DOCK4: variants seen among roughly 807,000 people sequenced by gnomAD.
DOCK4 encodes dedicator of cytokinesis 4, also known as dedicator of cytokinesis protein 4.
A neutral mutation model predicts 268.1 loss-of-function variants in DOCK4; 97 were observed. The observed-to-expected ratio is 0.36, with a 90% confidence interval of 0.31 to 0.43. The LOEUF is 0.43. DOCK4 is among the 20% of genes least tolerant of loss of function. DOCK4 has a pLI of 1.00. For synonymous variants in DOCK4, 954 were observed against 887.2 expected (o/e 1.08, Z -1.34); for missense variants, 2,145 against 2,455.7 (o/e 0.87, Z 2.67).
intron 5 of DOCK4, among the ~76,000 whole-genome samples, chr7:111,989,986 A>G (rs1799392740): frequency 2.0e-5 from 3 of 152,250 alleles, no homozygotes; most frequent in Non-Finnish European, 4.4e-5. Flanking sequence ...ATTTAGAGCC[A>G]AACAACTTCA....
intron 1 of DOCK4, among the ~76,000 whole-genome samples, chr7:112,014,039 C>G (rs1238957503): frequency 2.0e-5 from 3 of 152,200 alleles, no homozygotes; most frequent in African/African-American, 7.2e-5. Flanking sequence ...GTGCAGTTGA[C>G]TTATTTATTA....
intron 12 of DOCK4, 25 bp downstream of exon 12, chr7:111,935,515 A>G: frequency 6.2e-7 from 1 of 1,607,778 alleles, no homozygotes; most frequent in Non-Finnish European, 8.5e-7. Context: ...AAGTGTAGGG[A>G]AAGTCAGCCA....
At chr7:111,868,705 C>T (rs1214306001) in intron 21 of DOCK4, among the ~76,000 whole-genome samples, 8 of 138,370 alleles carry the variant, frequency 5.8e-5, no homozygotes, top group South Asian at 2.2e-4. Context: ...AGCAAAATTC[C>T]GTCTAAAAAA....
At chr7:112,142,698 C>T (rs1253095621) in intron 1 of DOCK4, among the ~76,000 whole-genome samples, 1 of 151,964 alleles carries the variant, frequency 6.6e-6, no homozygotes, top group African/African-American at 2.4e-5. Flanking sequence ...CACTACAGAA[C>T]TAAACAGGAT....
chr7:111,950,060 G>A (rs1169761979), intron 8 of DOCK4, among the ~76,000 whole-genome samples: 1 of 152,152 alleles, frequency 6.6e-6, no homozygotes, highest in Non-Finnish European at 1.5e-5. Flanking sequence ...CAGAGTAGCT[G>A]GGACTACAGA....
intron 26 of DOCK4, among the ~76,000 whole-genome samples, chr7:111,830,218 G>C (rs553598843): frequency 9.9e-5 from 15 of 152,218 alleles, no homozygotes; most frequent in Non-Finnish European, 2.1e-4. Flanking sequence ...ACAAGGTCAG[G>C]AGATCGAGAC....
intron 1 of DOCK4, among the ~76,000 whole-genome samples, chr7:112,015,745 A>T (rs77730559): frequency 0.024 from 3,677 of 152,336 alleles, 158 homozygotes; most frequent in African/African-American, 0.084. Context: ...CTGTAACAGA[A>T]TATCACAGGC....
intron 23 of DOCK4, among the ~76,000 whole-genome samples, chr7:111,855,202 C>T (rs977432604): frequency 6.6e-6 from 1 of 152,122 alleles, no homozygotes; most frequent in African/African-American, 2.4e-5. Flanking sequence ...CTGGGAGTGA[C>T]ATCATCTGGT....
At chr7:112,140,318 T>C (rs1334658970) in intron 1 of DOCK4, among the ~76,000 whole-genome samples, 32 of 152,136 alleles carry the variant, frequency 2.1e-4, no homozygotes, top group Admixed American at 2.1e-3. Context: ...TGTTCTTCAC[T>C]CTAGTGCAGC....
At chr7:112,197,927 G>A (rs1482134380) in intron 1 of DOCK4, among the ~76,000 whole-genome samples, 2 of 147,634 alleles carry the variant, frequency 1.4e-5, no homozygotes, top group Non-Finnish European at 3.0e-5. Flanking sequence ...AACTCAAGGT[G>A]GCCAAACAAA....
At chr7:111,743,175 G>A (rs909582875) in intron 44 of DOCK4, among the ~76,000 whole-genome samples, 1 of 152,094 alleles carries the variant, frequency 6.6e-6, no homozygotes, top group Non-Finnish European at 1.5e-5. Flanking sequence ...CCTTTGATTC[G>A]AGCAGCAGCT....
chr7:111,955,918 T>A (rs1159534081), intron 8 of DOCK4, among the ~76,000 whole-genome samples: 3 of 152,108 alleles, frequency 2.0e-5, no homozygotes, highest in Non-Finnish European at 4.4e-5. Flanking sequence ...AGGCCTGCTG[T>A]ATAACTAAAC....
chr7:112,034,070 C>T (rs984681168), intron 1 of DOCK4, among the ~76,000 whole-genome samples: 6 of 152,200 alleles, frequency 3.9e-5, no homozygotes, highest in African/African-American at 1.4e-4. Flanking sequence ...ATGGGAAATA[C>T]AGAGAGAGCT....
intron 1 of DOCK4, among the ~76,000 whole-genome samples, chr7:112,084,797 G>A (rs891098928): frequency 6.6e-6 from 1 of 152,004 alleles, no homozygotes; most frequent in East Asian, 1.9e-4. Flanking sequence ...CCATTGTTAT[G>A]CTACCATTAC....
rs1461612868 is a variant in DOCK4 at position 111,739,206 on chromosome 7, T to A, written c.5160A>T (p.Arg1720=). The A allele has an allele frequency of 6.2e-7, 1 of 1,613,996 alleles. No individual in the cohort carries two copies. The highest frequency in any genetic ancestry group is 2.2e-5 in the East Asian group (1 of 44,878). Residue 1720 remains arginine (R), a synonymous_variant, in exon 49 of 53, where the codon CGA becomes CGT. Coordinates refer to ENST00000428084, the MANE Select transcript of DOCK4 (RefSeq NM_001363540.2). ...PLLSDKHKHS[R]ENSCLSPRER... ...CTCTTGGTGACAGGCAAGAGTTTTC[T>A]CGGGAATGTTTGTGTTTGTCAGACA...
At chr7:111,998,765 G>A (rs1367951584) in intron 3 of DOCK4, among the ~76,000 whole-genome samples, 1 of 151,994 alleles carries the variant, frequency 6.6e-6, no homozygotes, top group East Asian at 1.9e-4. Context: ...AAAACATAAT[G>A]TTTATTAAAC....
At chr7:111,962,365 C>T (rs1442763903) in intron 8 of DOCK4, among the ~76,000 whole-genome samples, 1 of 151,776 alleles carries the variant, frequency 6.6e-6, no homozygotes, top group Admixed American at 6.6e-5. Flanking sequence ...GAAAGTATTA[C>T]ACTAAATTTA....
chr7:111,795,770 G>A (rs772352484), intron 30 of DOCK4, among the ~76,000 whole-genome samples: 5 of 152,168 alleles, frequency 3.3e-5, no homozygotes, highest in Non-Finnish European at 5.9e-5. Context: ...GACCAATATG[G>A]TGATAAGGAA....
At chr7:112,119,094 G>A (rs1351196451) in intron 1 of DOCK4, among the ~76,000 whole-genome samples, 1 of 152,070 alleles carries the variant, frequency 6.6e-6, no homozygotes, top group South Asian at 2.1e-4. Context: ...CATAGACAAT[G>A]GCCAAGTCAT....
Sources: gnomAD v4.1 joint callset for allele counts (sites outside exome capture counted in the v4.1 genomes callset) on GRCh38, gnomAD v4.1.1 for gene constraint, MANE v1.5 for transcripts, NCBI Gene and HGNC (gene_info 2026-07-23, HGNC 2026-07-21) for gene names.